Variants in IL1RAPL2 observed in about 807,000 individuals in gnomAD.
The protein encoded by IL1RAPL2 is interleukin 1 receptor accessory protein like 2, also known as X-linked interleukin-1 receptor accessory protein-like 2.
In IL1RAPL2, 3 loss-of-function variants were observed where a neutral mutation model predicts 44.1. That is an observed-to-expected ratio of 0.07 (90% confidence interval 0.03 to 0.18). The LOEUF (loss-of-function observed/expected upper bound fraction) is 0.18. Among genes scored for constraint, IL1RAPL2 ranks in the 10% least tolerant of loss-of-function variants. IL1RAPL2 has a pLI of 1.00. For synonymous variants in IL1RAPL2, 181 were observed against 178.8 expected (o/e 1.01, Z -0.10); for missense variants, 391 against 496.4 (o/e 0.79, Z 2.02).
At chrX:105,440,418 C>T (rs901142298) in intron 5 of IL1RAPL2, among the ~76,000 whole-genome samples, 1 of 111,870 alleles carries the variant, frequency 8.9e-6, no homozygotes, top group Non-Finnish European at 1.9e-5. Flanking sequence ...CAAGTGGATT[C>T]ATTCTGTCTT....
intron 2 of IL1RAPL2, among the ~76,000 whole-genome samples, chrX:104,996,082 G>A (rs2030743697): frequency 9.0e-6 from 1 of 111,211 alleles, no homozygotes; most frequent in Non-Finnish European, 1.9e-5. Flanking sequence ...CCCTATCAGA[G>A]TCATTCCCCA....
At chrX:105,639,463 C>T (rs2037548764) in intron 6 of IL1RAPL2, among the ~76,000 whole-genome samples, 1 of 110,611 alleles carries the variant, frequency 9.0e-6, no homozygotes, top group African/African-American at 3.3e-5. Context: ...TAAGGTGATA[C>T]TGAAAAGAAA....
At chrX:105,296,252 T>C in intron 5 of IL1RAPL2, among the ~76,000 whole-genome samples, 1 of 111,143 alleles carries the variant, frequency 9.0e-6, no homozygotes, top group Non-Finnish European at 1.9e-5. Context: ...TTTTTCACTC[T>C]ACTATACCTT....
At chrX:105,341,775 C>G (rs901078219) in intron 5 of IL1RAPL2, among the ~76,000 whole-genome samples, 11 of 110,380 alleles carry the variant, frequency 1.0e-4, no homozygotes, top group African/African-American at 3.6e-4. Flanking sequence ...ACTAGAAATA[C>G]AAAAAATTAG....
intron 2 of IL1RAPL2, among the ~76,000 whole-genome samples, chrX:104,796,763 TTTTG>T (rs752624360): frequency 2.6e-4 from 29 of 110,911 alleles, no homozygotes; most frequent in Middle Eastern, 4.7e-3. Context: ...TTGGTTCTTT[TTTTG>T]TTTGTTTGTT....
At chrX:104,777,665 C>A (rs926886034) in intron 2 of IL1RAPL2, among the ~76,000 whole-genome samples, 1 of 108,621 alleles carries the variant, frequency 9.2e-6, no homozygotes, top group Non-Finnish European at 1.9e-5. Context: ...CAACCTCGGC[C>A]TCCCCGGTTC....
chrX:104,592,143 ATATGTGTG>A (rs1379817580), intron 1 of IL1RAPL2, among the ~76,000 whole-genome samples: 2 of 43,464 alleles, frequency 4.6e-5, no homozygotes, highest in African/African-American at 1.3e-4. Context: ...TAATGCCCGT[ATATGTGTG>A]TGTGTGTGTG....
At chrX:104,585,294 A>T (rs1376268238) in intron 1 of IL1RAPL2, among the ~76,000 whole-genome samples, 1 of 21,822 alleles carries the variant, frequency 4.6e-5, no homozygotes, top group African/African-American at 3.7e-4. Flanking sequence ...ATAATATATT[A>T]TATATTATAT....
At chrX:104,806,584 C>G (rs189590774) in intron 2 of IL1RAPL2, among the ~76,000 whole-genome samples, 1 of 112,739 alleles carries the variant, frequency 8.9e-6, no homozygotes, top group Non-Finnish European at 1.9e-5. Flanking sequence ...ACTGAGAAAG[C>G]TGGAATGAAG....
chrX:105,491,326 A>G (rs1485602818), intron 6 of IL1RAPL2, among the ~76,000 whole-genome samples: 1 of 112,029 alleles, frequency 8.9e-6, no homozygotes, highest in Non-Finnish European at 1.9e-5. Flanking sequence ...ATGAAGTAGA[A>G]TTATTGTTAA....
chrX:105,097,232 C>T (rs1256329620), intron 2 of IL1RAPL2, among the ~76,000 whole-genome samples: 2 of 104,127 alleles, frequency 1.9e-5, no homozygotes, highest in Non-Finnish European at 3.9e-5. Flanking sequence ...GAGGCTGAGG[C>T]AGGAGAATGG....
chrX:104,746,738 T>C (rs995087227), intron 2 of IL1RAPL2, among the ~76,000 whole-genome samples: 4 of 111,661 alleles, frequency 3.6e-5, no homozygotes, highest in African/African-American at 1.3e-4. Flanking sequence ...TGTTCGTTTT[T>C]GGGAATGAAA....
chrX:104,811,262 A>C (rs1193523931), intron 2 of IL1RAPL2, among the ~76,000 whole-genome samples: 1 of 111,787 alleles, frequency 8.9e-6, no homozygotes, highest in Non-Finnish European at 1.9e-5. Context: ...GGGATGATCA[A>C]CATCAGGTAA....
At chrX:104,898,039 T>G (rs916825866) in intron 2 of IL1RAPL2, among the ~76,000 whole-genome samples, 7 of 111,772 alleles carry the variant, frequency 6.3e-5, no homozygotes, top group Admixed American at 1.9e-4. Context: ...TAAGCCCCCG[T>G]TCTTGGTCTT....
At chrX:105,758,518 C>T (rs1249245887) in intron 10 of IL1RAPL2, among the ~76,000 whole-genome samples, 2 of 110,800 alleles carry the variant, frequency 1.8e-5, no homozygotes, top group Non-Finnish European at 3.8e-5. Context: ...CCACCCATGC[C>T]CTACCAGGAA....
intron 1 of IL1RAPL2, chrX:104,647,378 A>C (rs927892626): frequency 5.6e-6 from 3 of 535,172 alleles, no homozygotes; most frequent in Non-Finnish European, 1.0e-5. Context: ...GATGGCTGCT[A>C]TTTTCTGCTG....
intron 5 of IL1RAPL2, among the ~76,000 whole-genome samples, chrX:105,397,296 A>G (rs779298834): frequency 1.8e-5 from 2 of 111,304 alleles, no homozygotes; most frequent in Non-Finnish European, 3.8e-5. Context: ...TCCCCAGTCC[A>G]TAGAAAAACT....
At chrX:105,588,618 T>C (rs1208093716) in intron 6 of IL1RAPL2, among the ~76,000 whole-genome samples, 1 of 111,774 alleles carries the variant, frequency 8.9e-6, no homozygotes, top group African/African-American at 3.3e-5. Context: ...TTACCTCTTA[T>C]ATGTAAGTGA....
chrX:104,706,850 A>G (rs771845500), intron 2 of IL1RAPL2, among the ~76,000 whole-genome samples: 14 of 111,796 alleles, frequency 1.3e-4, no homozygotes, highest in Non-Finnish European at 2.4e-4. Context: ...AGCTAACAGC[A>G]GAAAGTACAC....
Sources: gnomAD v4.1 joint callset for allele counts (sites outside exome capture counted in the v4.1 genomes callset) on GRCh38, gnomAD v4.1.1 for gene constraint, MANE v1.5 for transcripts, NCBI Gene and HGNC (gene_info 2026-07-23, HGNC 2026-07-21) for gene names.